Variants in CDH18 observed in about 807,000 individuals in gnomAD.
CDH18 encodes cadherin 18, also known as cadherin-18.
In CDH18, 31 loss-of-function variants were observed where a neutral mutation model predicts 67.9. That is an observed-to-expected ratio of 0.46 (90% CI 0.34 to 0.62). CDH18 has a LOEUF of 0.62. CDH18 is among the 20% of genes least tolerant of loss of function. CDH18 has a pLI of 0.01. For missense variants in CDH18, 890 were observed against 975.5 expected (o/e 0.91, Z 1.17); for synonymous variants, 362 against 347.2 (o/e 1.04, Z -0.48).
At chr5:20,048,422 A>G (rs953596325) in intron 2 of CDH18, among the ~76,000 whole-genome samples, 2 of 151,854 alleles carry the variant, frequency 1.3e-5, no homozygotes, top group Non-Finnish European at 2.9e-5. Flanking sequence ...AATAATATTC[A>G]TTATAAATGT....
intron 1 of CDH18, among the ~76,000 whole-genome samples, chr5:20,395,902 C>T (rs1745238667): frequency 6.6e-6 from 1 of 152,066 alleles, no homozygotes; most frequent in African/African-American, 2.4e-5. Context: ...TGTGGAGGCT[C>T]CTGGAGAGTG....
intron 2 of CDH18, among the ~76,000 whole-genome samples, chr5:20,155,260 T>C (rs1464560197): frequency 6.6e-6 from 1 of 152,176 alleles, no homozygotes; most frequent in Non-Finnish European, 1.5e-5. Context: ...AAGAACCAGA[T>C]ACTTGCTTTC....
chr5:20,372,055 G>T (rs916472309), intron 1 of CDH18, among the ~76,000 whole-genome samples: 1 of 152,188 alleles, frequency 6.6e-6, no homozygotes, highest in African/African-American at 2.4e-5. Flanking sequence ...TGAAGAAACA[G>T]GCACCGAAAA....
chr5:20,338,529 A>G (rs1220194794), intron 1 of CDH18, among the ~76,000 whole-genome samples: 10 of 152,184 alleles, frequency 6.6e-5, no homozygotes, highest in African/African-American at 2.4e-4. Flanking sequence ...AGTTTACTGT[A>G]TGATAGGGAA....
At chr5:20,557,993 C>CA (rs1758004522) in intron 1 of CDH18, among the ~76,000 whole-genome samples, 1 of 133,146 alleles carries the variant, frequency 7.5e-6, no homozygotes, top group Admixed American at 7.6e-5. Flanking sequence ...AGTTATATAA[C>CA]ATTAAATGTT....
chr5:19,606,967 G>A (rs1186162987), intron 6 of CDH18, among the ~76,000 whole-genome samples: 1 of 151,484 alleles, frequency 6.6e-6, no homozygotes, highest in African/African-American at 2.4e-5. Context: ...TACAGTAAAG[G>A]AATTCTACAG....
intron 2 of CDH18, among the ~76,000 whole-genome samples, chr5:20,206,098 T>C (rs1739861096): frequency 6.6e-6 from 1 of 151,720 alleles, no homozygotes; most frequent in African/African-American, 2.4e-5. Flanking sequence ...AACTTTCAGC[T>C]AGACAAACTT....
At chr5:20,046,664 ATGTG>A (rs200535661) in intron 2 of CDH18, among the ~76,000 whole-genome samples, 2 of 148,806 alleles carry the variant, frequency 1.3e-5, no homozygotes, top group Non-Finnish European at 3.0e-5. Context: ...CTGTGTGAAT[ATGTG>A]TGTGTGTGTA....
intron 11 of CDH18, among the ~76,000 whole-genome samples, chr5:19,500,244 C>T (rs1049695535): frequency 6.6e-6 from 1 of 151,986 alleles, no homozygotes; most frequent in Non-Finnish European, 1.5e-5. Flanking sequence ...TAAGCATGTG[C>T]ATATGCATGT....
intron 2 of CDH18, among the ~76,000 whole-genome samples, chr5:20,030,949 A>G (rs551928630): frequency 6.6e-6 from 1 of 152,168 alleles, no homozygotes; most frequent in Non-Finnish European, 1.5e-5. Flanking sequence ...TTGACTATTT[A>G]AATAGAAAAT....
Position 20,225,413 on chromosome 5 carries a change from T to C in CDH18, c.-518+30031A>G, listed in dbSNP as rs755188772. Among the ~76,000 whole-genome samples the C allele has an allele frequency of 4.6e-5, 7 of 152,112 alleles. No homozygotes were observed. In the South Asian group the frequency reaches 1.4e-3, roughly 31 times the overall value. Reference sequence around the variant, plus strand: ...CATAAAGGATCAACTTTCTACGTCATAAAGAGAGTAGATAAAAAAAGACCT... The same window carrying C: ...CATAAAGGATCAACTTTCTACGTCACAAAGAGAGTAGATAAAAAAAGACCT... On this transcript the variant is annotated intron_variant, in intron 2 of 14. Coordinates refer to the CDH18 transcript ENST00000507958.
chr5:19,587,676 ATGT>A (rs1305501879), intron 7 of CDH18, among the ~76,000 whole-genome samples: 2 of 150,574 alleles, frequency 1.3e-5, no homozygotes, highest in Non-Finnish European at 1.5e-5. Context: ...TACCAGTACC[ATGT>A]TGTTTTGGTT....
chr5:20,128,221 C>T (rs577984902), intron 2 of CDH18, among the ~76,000 whole-genome samples: 1 of 152,094 alleles, frequency 6.6e-6, no homozygotes, highest in African/African-American at 2.4e-5. Context: ...TAACAGCTCT[C>T]CTATTCACCT....
chr5:20,305,392 G>C, intron 1 of CDH18: 1 of 1,548,840 alleles, frequency 6.5e-7, no homozygotes. Context: ...CACCTCTTCA[G>C]CTTCATCTTC....
chr5:19,927,793 A>G (rs558304660), intron 2 of CDH18, among the ~76,000 whole-genome samples: 47 of 152,290 alleles, frequency 3.1e-4, no homozygotes, highest in Non-Finnish European at 6.0e-4. Flanking sequence ...CCAGAATACC[A>G]AACAACCAAT....
At chr5:19,549,843 C>T (rs1266979318) in intron 8 of CDH18, among the ~76,000 whole-genome samples, 2 of 151,662 alleles carry the variant, frequency 1.3e-5, no homozygotes, top group African/African-American at 4.8e-5. Flanking sequence ...GGACAGGTAA[C>T]TGATTATAAT....
chr5:20,511,003 A>G (rs956040187), intron 1 of CDH18, among the ~76,000 whole-genome samples: 2 of 152,320 alleles, frequency 1.3e-5, no homozygotes, highest in Admixed American at 6.5e-5. Context: ...GAAGAAACCA[A>G]TTGATCCTCA....
At position 20,413,778 on chromosome 5, in the gene CDH18, T is replaced by C. The variant is rs370967027; in HGVS notation, c.-579-158273A>G. Among the ~76,000 whole-genome samples the C allele has an allele frequency of 2.7e-4, 41 of 152,334 alleles. No homozygotes were observed. In the South Asian group the frequency reaches 8.1e-3, roughly 30 times the overall value. On this transcript the variant is annotated intron_variant, in intron 1 of 14. Coordinates refer to the CDH18 transcript ENST00000507958. Reference sequence around the variant, plus strand: ...TCTGTAGGTTGCCTGTTCACTCTGATAGTAGTTTCTTTTGCTGTGCAGAAG... The same window carrying C: ...TCTGTAGGTTGCCTGTTCACTCTGACAGTAGTTTCTTTTGCTGTGCAGAAG...
chr5:19,963,779 A>G (rs772979186), intron 2 of CDH18, among the ~76,000 whole-genome samples: 24 of 151,988 alleles, frequency 1.6e-4, no homozygotes, highest in Non-Finnish European at 3.1e-4. Context: ...AAATAAATGA[A>G]GTTTAATCGA....
Sources: allele counts gnomAD v4.1 joint callset (sites outside exome capture counted in the v4.1 genomes callset), GRCh38; gene constraint gnomAD v4.1.1; transcripts MANE v1.5; gene names NCBI Gene and HGNC (gene_info 2026-07-23, HGNC 2026-07-21).